THSD7A: variants seen among roughly 807,000 people sequenced by gnomAD.
THSD7A encodes the protein thrombospondin type-1 domain-containing protein 7A.
Under a neutral mutation model 231.3 loss-of-function variants are expected in THSD7A, and 96 were observed. The ratio of observed to expected loss-of-function variants is 0.41; its 90% CI spans 0.35 to 0.49. The LOEUF (loss-of-function observed/expected upper bound fraction) is 0.49, where lower values mean the gene tolerates loss of function less well. Among genes scored for constraint, THSD7A ranks in the 20% least tolerant of loss-of-function variants. The pLI is 0.05. For missense variants in THSD7A, 2,290 were observed against 2,070.2 expected (o/e 1.11, Z -2.06); for synonymous variants, 940 against 743.3 (o/e 1.26, Z -4.30).
rs941096901 is a variant in THSD7A at position 11,637,646 on chromosome 7, A to G, written c.191-685T>C. 1.3e-5 allele frequency among the ~76,000 whole-genome samples: 2 copies of G among 152,130 alleles called. No homozygotes were observed. Among genetic ancestry groups the G allele is most frequent in the Admixed American group, 1.3e-4 (2 of 15,266 alleles). On this transcript the variant is annotated intron_variant, in intron 1 of 27. Coordinates refer to ENST00000423059, the MANE Select transcript of THSD7A (RefSeq NM_015204.3). The surrounding 1 kb of genome is among the most constrained non-coding windows in gnomAD (Gnocchi z 4.2). ...GTAAGGGAATTTAAATGTAACTAAA[A>G]GACTTTTGCAATTTTCTAATCATTG...
intron 1 of THSD7A, among the ~76,000 whole-genome samples, chr7:11,760,233 AT>A (rs1782810509): frequency 6.6e-6 from 1 of 152,080 alleles, no homozygotes; most frequent in Non-Finnish European, 1.5e-5. Flanking sequence ...TATTTGGGAG[AT>A]TTAGATGGAT....
Position 11,406,454 on chromosome 7 carries a change from C to A in THSD7A, c.4083G>T (p.Gly1361=). 6.2e-7 allele frequency: 1 copy of A among 1,611,740 alleles called. No individual in the cohort carries two copies. The highest frequency in any genetic ancestry group is 2.2e-5 in the East Asian group (1 of 44,850). Residue 1361 remains glycine, a synonymous_variant, in exon 22 of 28, where the codon GGG becomes GGT. Transcript: ENST00000423059. The surrounding 1 kb of genome is among the most constrained non-coding windows in gnomAD (Gnocchi z 4.7). ...CQVQEAQCGE[G]TRTRNISCVV... ...CACAAGAAATGTTCCTTGTTCTGGTCCCTTCTCCACACTGGGCCTCCTGGA... is the reference window on the plus strand; with the variant it reads ...CACAAGAAATGTTCCTTGTTCTGGTACCTTCTCCACACTGGGCCTCCTGGA...
intron 23 of THSD7A, among the ~76,000 whole-genome samples, chr7:11,396,415 G>C: frequency 6.7e-6 from 1 of 150,018 alleles, no homozygotes; most frequent in African/African-American, 2.5e-5. Context: ...AAAGAGAGAA[G>C]AATCAAATAG....
rs745372010 is a variant in THSD7A at position 11,429,016 on chromosome 7, A to C, written c.3174T>G (p.Arg1058=). The C allele has an allele frequency of 1.2e-6, 2 of 1,613,216 alleles. No homozygotes were observed. The highest frequency in any genetic ancestry group is 1.1e-5 in the South Asian group (1 of 90,962). The change falls in exon 14 of 28, where the codon CGT becomes CGG. Residue 1058 remains arginine, a synonymous_variant. Coordinates refer to ENST00000423059, the MANE Select transcript of THSD7A (RefSeq NM_015204.3). The stretch of plus-strand genomic sequence containing the variant: ...ATGGTTTTTCACGCAGCCATTTAGA[A>C]CGAACCTTCACACCACTCCCACAGG... ...SKSCGSGVKV[R]SKWLREKPYN...
intron 6 of THSD7A, among the ~76,000 whole-genome samples, chr7:11,488,610 G>T (rs546462294): frequency 6.6e-6 from 1 of 151,888 alleles, no homozygotes; most frequent in South Asian, 2.1e-4. Context: ...TACAAATCTC[G>T]AATCCATTTT....
intron 4 of THSD7A, among the ~76,000 whole-genome samples, chr7:11,585,151 T>C (rs374602152): frequency 2.6e-5 from 4 of 152,168 alleles, no homozygotes; most frequent in East Asian, 3.9e-4. Flanking sequence ...CAGTAAGCTG[T>C]TTCTCCAATA....
chr7:11,567,915 A>G (rs928374890), intron 4 of THSD7A, among the ~76,000 whole-genome samples: 2 of 152,078 alleles, frequency 1.3e-5, no homozygotes, highest in African/African-American at 2.4e-5. Flanking sequence ...ATTTTAAACT[A>G]TCTCACCTAA....
chr7:11,633,046 A>G (rs1411787893), intron 2 of THSD7A, among the ~76,000 whole-genome samples: 1 of 152,032 alleles, frequency 6.6e-6, no homozygotes. Context: ...TCCATTTTTT[A>G]TTGCTTCTAA....
chr7:11,481,493 C>G (rs963726289), intron 7 of THSD7A, among the ~76,000 whole-genome samples: 1 of 152,028 alleles, frequency 6.6e-6, no homozygotes, highest in African/African-American at 2.4e-5. Context: ...CATTTTCAGA[C>G]CTTCTTAAAG....
intron 13 of THSD7A, among the ~76,000 whole-genome samples, chr7:11,436,479 G>T (rs965264353): frequency 2.6e-5 from 4 of 151,926 alleles, no homozygotes; most frequent in Non-Finnish European, 4.4e-5. Flanking sequence ...TATTTACCCT[G>T]GACTTTTCCC....
intron 4 of THSD7A, among the ~76,000 whole-genome samples, chr7:11,578,368 A>G (rs1282628949): frequency 6.6e-6 from 1 of 152,238 alleles, no homozygotes. Flanking sequence ...AGTGCAAAAG[A>G]TAGGTTAATT....
intron 1 of THSD7A, among the ~76,000 whole-genome samples, chr7:11,682,875 T>TA (rs201174233): frequency 8.8e-5 from 13 of 147,998 alleles, no homozygotes; most frequent in South Asian, 2.1e-4. Context: ...TCTCAACAAA[T>TA]AAAAAAAAAA....
At chr7:11,425,787 AAG>A (rs921797831) in intron 15 of THSD7A, among the ~76,000 whole-genome samples, 1 of 150,982 alleles carries the variant, frequency 6.6e-6, no homozygotes, top group Non-Finnish European at 1.5e-5. Flanking sequence ...GACAGAGAGC[AAG>A]AGAGAGAGAA....
intron 2 of THSD7A, among the ~76,000 whole-genome samples, chr7:11,629,048 G>A (rs906050650): frequency 1.3e-5 from 2 of 152,154 alleles, no homozygotes; most frequent in Non-Finnish European, 2.9e-5. Flanking sequence ...GCTGGGGAGA[G>A]GACTGCTGGA....
At chr7:11,736,128 G>T (rs1277766024) in intron 1 of THSD7A, among the ~76,000 whole-genome samples, 1 of 151,736 alleles carries the variant, frequency 6.6e-6, no homozygotes, top group Non-Finnish European at 1.5e-5. Flanking sequence ...AGTGTTTATA[G>T]ATATTAAGTG....
intron 8 of THSD7A, among the ~76,000 whole-genome samples, chr7:11,471,680 T>C: frequency 6.6e-6 from 1 of 152,074 alleles, no homozygotes; most frequent in East Asian, 1.9e-4. Flanking sequence ...CTAATTTCTA[T>C]GACTATTCAA....
chr7:11,427,046 A>G (rs1285511574), intron 14 of THSD7A, among the ~76,000 whole-genome samples: 1 of 152,194 alleles, frequency 6.6e-6, no homozygotes, highest in African/African-American at 2.4e-5. Context: ...CAGTATATTT[A>G]TAGATTGATC....
intron 1 of THSD7A, among the ~76,000 whole-genome samples, chr7:11,665,189 G>A (rs1054758534): frequency 2.6e-4 from 40 of 152,120 alleles, no homozygotes; most frequent in Admixed American, 2.0e-3. Flanking sequence ...TATTTCCAAG[G>A]AGAAAATGTG....
At chr7:11,791,508 C>A (rs1783951516) in intron 1 of THSD7A, among the ~76,000 whole-genome samples, 1 of 151,946 alleles carries the variant, frequency 6.6e-6, no homozygotes, top group African/African-American at 2.4e-5. Flanking sequence ...AGTTGATCAT[C>A]ATATTTGAAG....
Sources: gnomAD v4.1 joint callset for allele counts (sites outside exome capture counted in the v4.1 genomes callset) on GRCh38, gnomAD v4.1.1 for gene constraint, Gnocchi (gnomAD v3.1) non-coding constraint, MANE v1.5 for transcripts, NCBI Gene and HGNC (gene_info 2026-07-23, HGNC 2026-07-21) for gene names.